WWOX: variants seen among roughly 807,000 people sequenced by gnomAD.
The protein encoded by WWOX is WW domain containing oxidoreductase.
Under a neutral mutation model 46.2 loss-of-function variants are expected in WWOX, and 69 were observed. That is an observed-to-expected ratio of 1.49 (90% CI 1.23 to 1.82). The LOEUF is 1.82. WWOX is among the 40% of genes most tolerant of loss of function. The probability of loss-of-function intolerance (pLI) is 0.00; values close to 1 mark genes in which losing one functional copy is unlikely to be tolerated. For missense variants in WWOX, 919 were observed against 542.6 expected (o/e 1.69, Z -6.89); for synonymous variants, 359 against 202.6 (o/e 1.77, Z -6.56).
chr16:79,178,252 A>G (rs2050840859), intron 8 of WWOX, among the ~76,000 whole-genome samples: 1 of 152,214 alleles, frequency 6.6e-6, no homozygotes, highest in Non-Finnish European at 1.5e-5. Context: ...TATTTACAAA[A>G]AACAAAAAAC....
intron 8 of WWOX, among the ~76,000 whole-genome samples, chr16:79,173,773 A>G (rs150536118): frequency 3.3e-5 from 5 of 152,346 alleles, no homozygotes; most frequent in South Asian, 2.1e-4. Context: ...TGACAGTTGG[A>G]AAAAATACTT....
At chr16:79,096,956 G>T (rs1410018702) in intron 8 of WWOX, among the ~76,000 whole-genome samples, 1 of 152,050 alleles carries the variant, frequency 6.6e-6, no homozygotes, top group Non-Finnish European at 1.5e-5. Flanking sequence ...TTGGGGAGGG[G>T]GCCAGGAAGA....
In WWOX at chr16:79,158,563, C is replaced by G. The variant is rs565919785; in HGVS notation, c.1057-53045C>G. Among the ~76,000 whole-genome samples the G allele has an allele frequency of 2.2e-4, 34 of 152,348 alleles. No homozygotes were observed. The South Asian group carries it at 6.8e-3, about 31-fold the overall frequency. On this transcript the variant is annotated intron_variant, in intron 8 of 8. Coordinates refer to ENST00000566780, the MANE Select transcript of WWOX (RefSeq NM_016373.4). ...GACCCTTTCCACATATGCTGGATCA[C>G]TTCACGCCTCCCTGTTCTTTCAATT...
In WWOX at chr16:79,198,942, G is replaced by A. The variant is rs890347024; in HGVS notation, c.1057-12666G>A. On this transcript the variant is annotated intron_variant, in intron 8 of 8. Coordinates refer to ENST00000566780, the MANE Select transcript of WWOX (RefSeq NM_016373.4). ...TGTGGACATGTTCCTATTTATCATA[G>A]TGCAGTTGTTGAGACTGGGTGTCTA... 4.6e-5 allele frequency among the ~76,000 whole-genome samples: 7 copies of A among 152,148 alleles called. No homozygotes were observed. In the South Asian group the frequency reaches 8.3e-4, roughly 18 times the overall value.
intron 1 of WWOX, among the ~76,000 whole-genome samples, chr16:78,104,262 ACACACACACT>A (rs982205022): frequency 6.6e-6 from 1 of 150,852 alleles, no homozygotes; most frequent in Non-Finnish European, 1.5e-5. Flanking sequence ...ACACACACAC[ACACACACACT>A]GGCTGTCCTC....
rs534329093 is a variant in WWOX, at chr16:78,905,285, C to T, written c.1057-306323C>T. ...ATTTCAGTTGTATATTGAGCCCACA[C>T]ATATTTACTTCCAATATGAAGCAAA... On this transcript the variant is annotated intron_variant, in intron 8 of 8. Coordinates refer to ENST00000566780, the MANE Select transcript of WWOX (RefSeq NM_016373.4). Among the ~76,000 whole-genome samples the T allele has an allele frequency of 4.6e-5, 7 of 152,332 alleles. No homozygotes were observed. In the South Asian group the frequency reaches 6.2e-4, roughly 14 times the overall value.
At chr16:78,778,579 C>G (rs891461818) in intron 8 of WWOX, among the ~76,000 whole-genome samples, 1 of 152,070 alleles carries the variant, frequency 6.6e-6, no homozygotes, top group East Asian at 1.9e-4. Context: ...AATAGAAATT[C>G]AAGGTATGAA....
chr16:78,363,335 G>A (rs551194291), intron 5 of WWOX, among the ~76,000 whole-genome samples: 31 of 151,642 alleles, frequency 2.0e-4, no homozygotes, highest in Admixed American at 7.9e-4. Context: ...GTGCAGTGGC[G>A]CGATGACAGC....
chr16:78,136,380 G>A (rs2033790295), intron 4 of WWOX, among the ~76,000 whole-genome samples: 1 of 152,170 alleles, frequency 6.6e-6, no homozygotes, highest in Non-Finnish European at 1.5e-5. Flanking sequence ...TTGATTCCCA[G>A]GACAGGGTGA....
At chr16:78,108,311 C>G in intron 1 of WWOX, 112 bp from the exon 2 acceptor site, 1 of 1,056,848 alleles carries the variant, frequency 9.5e-7, no homozygotes. Flanking sequence ...CTTCTTCCCC[C>G]TACTTCCTTC....
chr16:78,745,256 T>C (rs1307828374), intron 8 of WWOX, among the ~76,000 whole-genome samples: 1 of 152,218 alleles, frequency 6.6e-6, no homozygotes, highest in Non-Finnish European at 1.5e-5. Context: ...TTGATTACAT[T>C]TGAATCTTTC....
At chr16:78,448,164 A>G (rs1382397032) in intron 8 of WWOX, among the ~76,000 whole-genome samples, 3 of 152,058 alleles carry the variant, frequency 2.0e-5, no homozygotes, top group Admixed American at 6.5e-5. Flanking sequence ...CTTGCCCCCA[A>G]TCCATGCAAT....
At chr16:78,843,366 A>G (rs1245751948) in intron 8 of WWOX, among the ~76,000 whole-genome samples, 1 of 150,088 alleles carries the variant, frequency 6.7e-6, no homozygotes, top group Non-Finnish European at 1.5e-5. Context: ...CTGGAAAACG[A>G]TTATTGTGGT....
intron 8 of WWOX, among the ~76,000 whole-genome samples, chr16:79,105,555 T>C (rs1447998985): frequency 6.6e-6 from 1 of 152,210 alleles, no homozygotes; most frequent in Non-Finnish European, 1.5e-5. Flanking sequence ...AATGCATATA[T>C]AGCTATTTTT....
intron 8 of WWOX, among the ~76,000 whole-genome samples, chr16:79,023,956 A>AAAGC (rs1555513470): frequency 1.3e-5 from 2 of 150,836 alleles, no homozygotes; most frequent in Non-Finnish European, 3.0e-5. Flanking sequence ...TCCATCTCAA[A>AAAGC]AAACAAACAA....
intron 1 of WWOX, among the ~76,000 whole-genome samples, chr16:78,105,228 G>A (rs555577548): frequency 4.6e-5 from 7 of 152,288 alleles, no homozygotes; most frequent in South Asian, 2.1e-4. Context: ...TTGGGAGGCC[G>A]AGGCAGGTGG....
intron 8 of WWOX, 111 bp from the exon 9 acceptor site, chr16:79,211,497 T>G: frequency 7.1e-7 from 1 of 1,406,248 alleles, no homozygotes; most frequent in African/African-American, 1.4e-5. Flanking sequence ...AAGATCCAGC[T>G]GAAACTGAAC....
In WWOX at chr16:78,925,497, G is replaced by A. The variant is rs141932640; in HGVS notation, c.1057-286111G>A. Among the ~76,000 whole-genome samples, 174 of 152,272 alleles carry A rather than the reference G, an allele frequency of 1.1e-3. 1 individual carries two copies. Among genetic ancestry groups the A allele is most frequent in the Non-Finnish European group, 1.4e-3 (95 of 68,020 alleles). ...AAACATGTCCTGCTTTAAGTTCCCA[G>A]CGTCTTAACCAGGAACTCGCTTATG... On this transcript the variant is annotated intron_variant, in intron 8 of 8. Coordinates refer to ENST00000566780, the MANE Select transcript of WWOX (RefSeq NM_016373.4).
chr16:78,593,491 G>A lies in WWOX; in HGVS notation c.1056+160739G>A, dbSNP rs577292431. On this transcript the variant is annotated intron_variant, in intron 8 of 8. Coordinates refer to ENST00000566780, the MANE Select transcript of WWOX (RefSeq NM_016373.4). ...ATCAAAACCATTCCTACCAGCCAGA[G>A]GTGGGCACATGACCCAGGTCAGACC... 3.3e-5 allele frequency among the ~76,000 whole-genome samples: 5 copies of A among 152,314 alleles called. No individual in the cohort carries two copies. The East Asian group carries it at 9.7e-4, about 29-fold the overall frequency.
Sources: allele counts gnomAD v4.1 joint callset (sites outside exome capture counted in the v4.1 genomes callset), GRCh38; gene constraint gnomAD v4.1.1; transcripts MANE v1.5; gene names NCBI Gene and HGNC (gene_info 2026-07-23, HGNC 2026-07-21).